Variants in MPP7 observed in about 807,000 individuals in gnomAD.
MPP7 encodes the protein MAGUK p55 scaffold protein 7, also known as MAGUK p55 subfamily member 7.
Under a neutral mutation model 76.5 loss-of-function variants are expected in MPP7, and 60 were observed. That is an observed-to-expected ratio of 0.78 (90% CI 0.64 to 0.97). MPP7 has a LOEUF of 0.97. Ranked by LOEUF, MPP7 falls within the 50% of genes least tolerant of loss-of-function variation. The pLI is 0.00. For synonymous variants in MPP7, 237 were observed against 244.5 expected, an observed-to-expected ratio of 0.97 and a Z score of 0.29; for missense variants, 641 against 694.0, an observed-to-expected ratio of 0.92 and a Z score of 0.86.
At chr10:28,093,008 A>G (rs571464411) in intron 11 of MPP7, among the ~76,000 whole-genome samples, 3 of 152,026 alleles carry the variant, frequency 2.0e-5, no homozygotes, top group Admixed American at 2.0e-4. Flanking sequence ...GTTATCCCAA[A>G]CCAACCCCAG....
Position 28,052,795 on chromosome 10 carries a change from A to G in MPP7, c.*1270T>C, listed in dbSNP as rs1001024467. The stretch of plus-strand genomic sequence containing the variant: ...ACAAAAAAATAACATTTTTTTTTCC[A>G]CTTTGAAAGTCACAGATGCAATGAT... On this transcript the variant is annotated 3_prime_UTR_variant, in exon 17 of 17. Transcript: ENST00000683449. 5.3e-5 allele frequency: 8 copies of G among 151,886 alleles called. No homozygotes were observed. The highest frequency in any genetic ancestry group is 1.0e-4 in the Non-Finnish European group (7 of 67,964). The allele number at this position is 151,886 out of a possible 1,614,324, so 9.4% of individuals were successfully genotyped here.
intron 1 of MPP7, among the ~76,000 whole-genome samples, chr10:28,245,312 C>T (rs1015533984): frequency 1.2e-4 from 18 of 152,134 alleles, no homozygotes; most frequent in African/African-American, 1.9e-4. Flanking sequence ...TTGTAATTAA[C>T]GTACATCAAT....
At chr10:28,153,532 T>C (rs1048600439) in intron 3 of MPP7, among the ~76,000 whole-genome samples, 7 of 152,302 alleles carry the variant, frequency 4.6e-5, no homozygotes, top group South Asian at 2.1e-4. Context: ...AGGGTTTTTT[T>C]CCTATAATTA....
chr10:28,186,256 G>A lies in MPP7; in HGVS notation c.156+15897C>T, dbSNP rs920246911. ...AGCTACTCAGGAGGCTGAGGCAGGA[G>A]AATCGCTTGAACCCAGGAGGTGGAG... On this transcript the variant is annotated intron_variant, in intron 3 of 16. Transcript: ENST00000683449. 2.0e-5 allele frequency among the ~76,000 whole-genome samples: 3 copies of A among 151,668 alleles called. No individual in the cohort carries two copies. In the East Asian group the frequency reaches 5.8e-4, roughly 29 times the overall value.
chr10:28,141,280 A>G (rs1835509573), intron 5 of MPP7, among the ~76,000 whole-genome samples: 1 of 152,132 alleles, frequency 6.6e-6, no homozygotes, highest in Non-Finnish European at 1.5e-5. Context: ...TATTAATAAC[A>G]GGAAGCACAG....
intron 2 of MPP7, among the ~76,000 whole-genome samples, chr10:28,215,261 C>T (rs1004742872): frequency 2.6e-5 from 4 of 152,028 alleles, no homozygotes; most frequent in Admixed American, 2.6e-4. Flanking sequence ...TTCTCCATTG[C>T]AATTCCCCTG....
chr10:28,225,461 G>A (rs1325863570), intron 2 of MPP7, among the ~76,000 whole-genome samples: 1 of 152,078 alleles, frequency 6.6e-6, no homozygotes, highest in Admixed American at 6.6e-5. Context: ...ATAGAGAACA[G>A]GGAAACTCAA....
intron 1 of MPP7, among the ~76,000 whole-genome samples, chr10:28,271,121 T>C (rs1006762945): frequency 6.6e-6 from 1 of 152,228 alleles, no homozygotes; most frequent in Non-Finnish European, 1.5e-5. Context: ...AGGTCCCAAA[T>C]ATGGTTTCTA....
chr10:28,149,855 G>A, intron 4 of MPP7, 127 bp downstream of exon 4: 1 of 557,740 alleles, frequency 1.8e-6, no homozygotes. Flanking sequence ...AGGACTTTTG[G>A]AAACATTTGT....
At chr10:28,187,087 T>C (rs1446696369) in intron 3 of MPP7, among the ~76,000 whole-genome samples, 1 of 152,218 alleles carries the variant, frequency 6.6e-6, no homozygotes, top group Non-Finnish European at 1.5e-5. Flanking sequence ...TGAATAAATA[T>C]AAGACGGTTG....
At chr10:28,320,266 G>A (rs1237174635) in intron 2 of MPP7, among the ~76,000 whole-genome samples, 1 of 152,176 alleles carries the variant, frequency 6.6e-6, no homozygotes, top group Non-Finnish European at 1.5e-5. Context: ...GCAATGAGCT[G>A]TATATGTCTA....
chr10:28,199,135 G>A (rs1837686390), intron 3 of MPP7, among the ~76,000 whole-genome samples: 1 of 152,058 alleles, frequency 6.6e-6, no homozygotes, highest in Non-Finnish European at 1.5e-5. Context: ...CAGCTCTTAT[G>A]AGACTTATTC....
At chr10:28,070,771 TCTG>T (rs1280645652) in intron 12 of MPP7, among the ~76,000 whole-genome samples, 1 of 152,162 alleles carries the variant, frequency 6.6e-6, no homozygotes, top group African/African-American at 2.4e-5. Flanking sequence ...ACAAATTGAC[TCTG>T]ATCTTAAAGG....
Position 28,056,530 on chromosome 10 carries a change from C to T in MPP7, c.1501G>A (p.Ala501Thr), listed in dbSNP as rs770777481. Residue 501 changes from alanine (A) to threonine (T), a missense_variant, in exon 16 of 17, where the codon GCA becomes ACA. Ala to Thr is a moderately conservative substitution (Grantham distance 58). Transcript: ENST00000683449. The stretch of plus-strand genomic sequence containing the variant: ...TCATCTCTGCTTGAAATAATCTTTG[C>T]ATTTTTTCTTGTTTCTCTCAAACGC... ...IERLRETRKN[A>T]KIISSRDDQG... 8 of 1,612,506 alleles carry T rather than the reference C, an allele frequency of 5.0e-6. No individual in the cohort carries two copies. Among genetic ancestry groups the T allele is most frequent in the Non-Finnish European group, 6.8e-6 (8 of 1,179,748 alleles).
At chr10:28,288,122 C>A (rs967025618) in intron 1 of MPP7, among the ~76,000 whole-genome samples, 2 of 151,596 alleles carry the variant, frequency 1.3e-5, no homozygotes, top group African/African-American at 4.9e-5. Flanking sequence ...CGAAACCAGA[C>A]GTTATAGAGA....
chr10:28,159,961 A>C (rs764422769), intron 3 of MPP7, among the ~76,000 whole-genome samples: 1 of 152,196 alleles, frequency 6.6e-6, no homozygotes, highest in Non-Finnish European at 1.5e-5. Context: ...CTCATCAAAA[A>C]AAGTTTTTAA....
chr10:28,316,472 A>AAAAAAAAAAT (rs1834321941), intron 2 of MPP7, among the ~76,000 whole-genome samples: 1 of 133,918 alleles, frequency 7.5e-6, no homozygotes, highest in African/African-American at 2.7e-5. Flanking sequence ...AAAAAAAAAA[A>AAAAAAAAAAT]CTATCTGAGA....
chr10:28,231,070 TA>T lies in MPP7; in HGVS notation c.37+7497del, dbSNP rs376050421. ...ACATATTCAGAATACTTATTGAAAT[TA>T]ACCATATGTCTAAGCCATAAAATAA... On this transcript the variant is annotated intron_variant, in intron 2 of 16. Coordinates refer to ENST00000683449, the MANE Select transcript of MPP7 (RefSeq NM_001318170.2). Among the ~76,000 whole-genome samples, 1,117 of 151,764 alleles carry T rather than the reference TA, an allele frequency of 7.4e-3. 14 individuals are homozygous for T. The highest frequency in any genetic ancestry group is 0.025 in the African/African-American group (1,054 of 41,362).
intron 3 of MPP7, among the ~76,000 whole-genome samples, chr10:28,188,338 T>C (rs971662961): frequency 6.6e-6 from 1 of 152,156 alleles, no homozygotes; most frequent in African/African-American, 2.4e-5. Flanking sequence ...GCATTCCTTT[T>C]AAATTATAGC....
Sources: allele counts gnomAD v4.1 joint callset (sites outside exome capture counted in the v4.1 genomes callset), GRCh38; gene constraint gnomAD v4.1.1; transcripts MANE v1.5; gene names NCBI Gene and HGNC (gene_info 2026-07-23, HGNC 2026-07-21).